RFX2: variants seen among roughly 807,000 people sequenced by gnomAD.
The protein encoded by RFX2 is regulatory factor X2.
Under a neutral mutation model 87.8 loss-of-function variants are expected in RFX2, and 20 were observed. That is an observed-to-expected ratio of 0.23 (90% CI 0.16 to 0.33). The LOEUF (loss-of-function observed/expected upper bound fraction) is 0.33, where lower values mean the gene tolerates loss of function less well. Ranked by LOEUF, RFX2 falls within the 10% of genes least tolerant of loss-of-function variation. The probability of loss-of-function intolerance (pLI) is 1.00; values close to 1 mark genes in which losing one functional copy is unlikely to be tolerated. For missense variants in RFX2, 767 were observed against 1,012.3 expected (o/e 0.76, Z 3.29); for synonymous variants, 397 against 431.3 (o/e 0.92, Z 0.98).
In RFX2 at chr19:6,027,091, C is replaced by T. The variant is rs904150700; in HGVS notation, c.523-854G>A. 6.6e-6 allele frequency: 1 copy of T among 152,292 alleles called. No individual in the cohort carries two copies. Among genetic ancestry groups the T allele is most frequent in the Admixed American group, 6.5e-5 (1 of 15,280 alleles). 9.4% of individuals were successfully genotyped at this position (152,292 alleles called of 1,614,324 possible). A position where few individuals can be genotyped will look rare whatever the true frequency, so the allele number is the denominator to read the frequency against. On this transcript the variant is annotated intron_variant, in intron 5 of 17. Transcript: ENST00000303657. The surrounding 1 kb of genome is among the most constrained non-coding windows in gnomAD (Gnocchi z 5.0). ...CGACGTAAAATCTGCTGCAGCCCAC[C>T]CTGACGACCAGAGGACTGAAGCGGG...
intron 1 of RFX2, among the ~76,000 whole-genome samples, chr19:6,060,879 C>T (rs1356203530): frequency 6.6e-6 from 1 of 152,080 alleles, no homozygotes; most frequent in Non-Finnish European, 1.5e-5. Flanking sequence ...CCTCCCGGCA[C>T]CAGGACTCCC....
intron 5 of RFX2, among the ~76,000 whole-genome samples, chr19:6,030,253 G>A (rs2086938018): frequency 6.6e-6 from 1 of 152,178 alleles, no homozygotes; most frequent in African/African-American, 2.4e-5. Flanking sequence ...AGAAGCAGTA[G>A]GAGAGAAGTG....
At chr19:6,105,943 AC>A (rs967546065) in intron 1 of RFX2, among the ~76,000 whole-genome samples, 1 of 152,066 alleles carries the variant, frequency 6.6e-6, no homozygotes, top group African/African-American at 2.4e-5. Context: ...ACCTGGATGT[AC>A]CCAGCAGGCA....
intron 6 of RFX2, among the ~76,000 whole-genome samples, chr19:6,019,042 A>G (rs1332290448): frequency 1.3e-5 from 2 of 151,698 alleles, no homozygotes; most frequent in African/African-American, 4.8e-5. Context: ...CCCTGTGTGA[A>G]GTGCAGTGTC....
chr19:5,995,412 G>A (rs1440277225), intron 17 of RFX2, among the ~76,000 whole-genome samples, 189 bp downstream of exon 17: 2 of 152,192 alleles, frequency 1.3e-5, no homozygotes, highest in East Asian at 1.9e-4. Flanking sequence ...AGCCCCAGCC[G>A]AGCCAGTCTG....
chr19:6,054,328 G>A (rs1381624709), intron 1 of RFX2, among the ~76,000 whole-genome samples: 1 of 151,996 alleles, frequency 6.6e-6, no homozygotes, highest in African/African-American at 2.4e-5. Context: ...ACTGAAAAAG[G>A]AATTATTACA....
rs2087236822 is a variant in RFX2, at chr19:6,049,128, G to A, written c.-8-1624C>T. ...CTCAACTCACTCTCTGTCTTTGACA[G>A]AACTGACCTTTGGAATTTTTCTGTT... On this transcript the variant is annotated intron_variant, in intron 1 of 17. Coordinates refer to ENST00000303657, the MANE Select transcript of RFX2 (RefSeq NM_000635.4). 2.6e-5 allele frequency: 4 copies of A among 152,216 alleles called. No individual in the cohort carries two copies. The South Asian group carries it at 6.2e-4, about 24-fold the overall frequency. 9.4% of individuals were successfully genotyped at this position (152,216 alleles called of 1,614,324 possible).
At position 6,040,133 on chromosome 19, in the gene RFX2, G is replaced by T; in HGVS notation, c.369C>A (p.Ser123=). 1 of 1,609,276 alleles carries T rather than the reference G, an allele frequency of 6.2e-7. No homozygotes were observed. The change falls in exon 5 of 18, where the codon TCC becomes TCA. Residue 123 remains serine, a synonymous_variant. Transcript: ENST00000303657. The surrounding 1 kb of genome is among the most constrained non-coding windows in gnomAD (Gnocchi z 6.1). ...GGAQVTVAAS[S]PPAVPSHSMV... is the part of the protein sequence containing the mutation. The stretch of plus-strand genomic sequence containing the variant: ...TGCTGTGGGAGGGGACCGCTGGCGG[G>T]GACGAGGCTGCCACGGTCACCTGGG...
chr19:6,046,606 T>C (rs1426793128), intron 2 of RFX2, among the ~76,000 whole-genome samples: 1 of 55,130 alleles, frequency 1.8e-5, no homozygotes, highest in African/African-American at 9.8e-5. Context: ...CCTTTTTGCC[T>C]TTTTTTTTTT....
At chr19:6,029,509 G>C (rs948724424) in intron 5 of RFX2, among the ~76,000 whole-genome samples, 5 of 151,968 alleles carry the variant, frequency 3.3e-5, no homozygotes, top group Non-Finnish European at 4.4e-5. Context: ...GGAGTTCAGG[G>C]ACCAGCCTGG....
chr19:6,108,223 A>G (rs1385523098), intron 1 of RFX2, among the ~76,000 whole-genome samples: 2 of 152,150 alleles, frequency 1.3e-5, no homozygotes, highest in African/African-American at 4.8e-5. Flanking sequence ...GTAATTCAAG[A>G]ACTTAAATTC....
chr19:6,102,849 G>A (rs188911486), intron 1 of RFX2, among the ~76,000 whole-genome samples: 1 of 152,324 alleles, frequency 6.6e-6, no homozygotes, highest in East Asian at 1.9e-4. Flanking sequence ...TTATGGCCAG[G>A]CACAGTGGCT....
intron 1 of RFX2, among the ~76,000 whole-genome samples, chr19:6,059,961 T>TC (rs1555778468): frequency 1.2e-4 from 19 of 152,082 alleles, no homozygotes; most frequent in Admixed American, 1.2e-3. Flanking sequence ...TAAAAAGTGA[T>TC]GGGGGGGAGC....
chr19:6,034,964 G>A (rs188542016), intron 5 of RFX2, among the ~76,000 whole-genome samples: 1 of 152,274 alleles, frequency 6.6e-6, no homozygotes, highest in Admixed American at 6.5e-5. Flanking sequence ...AGCTGTCAAA[G>A]GCAGAATATT....
chr19:6,007,816 G>A lies in RFX2; in HGVS notation c.1135-14C>T, dbSNP rs761024546. On this transcript the variant is annotated splice_polypyrimidine_tract_variant and intron_variant, in intron 10 of 17. Transcript: ENST00000303657. The surrounding 1 kb of genome is among the most constrained non-coding windows in gnomAD (Gnocchi z 8.2). ...ATCTACAGTTGCCTAGGAATGAAGG[G>A]ACCGGTGAGACAGACGGGTGCGTGC... is the stretch of plus-strand genomic sequence containing the variant. 6.7e-7 allele frequency: 1 copy of A among 1,499,302 alleles called. No homozygotes were observed. The highest frequency in any genetic ancestry group is 1.2e-5 in the South Asian group (1 of 83,062). The allele number at this position is 1,499,302 out of a possible 1,614,324, so 92.9% of individuals were successfully genotyped here. A position where few individuals can be genotyped will look rare whatever the true frequency, so the allele number is the denominator to read the frequency against.
Position 6,010,311 on chromosome 19 carries a change from A to G in RFX2, c.900-60T>C. On this transcript the variant is annotated intron_variant, in intron 8 of 17. Coordinates refer to ENST00000303657, the MANE Select transcript of RFX2 (RefSeq NM_000635.4). This position sits in a 1 kb window ranked among gnomAD's most constrained non-coding sequence, Gnocchi z 5.0. ...AGCAGCCCTGCTGCGGGTGGGCCCA[A>G]AGACTGGGGGGCTGGGCAGGATTCA... is the stretch of plus-strand genomic sequence containing the variant. 8.8e-7 allele frequency: 1 copy of G among 1,138,800 alleles called. No homozygotes were observed. 70.5% of individuals were successfully genotyped at this position (1,138,800 alleles called of 1,614,324 possible).
intron 1 of RFX2, among the ~76,000 whole-genome samples, chr19:6,053,007 T>C (rs1372375445): frequency 1.3e-5 from 2 of 151,868 alleles, no homozygotes; most frequent in Non-Finnish European, 2.9e-5. Context: ...TTTAAGAACG[T>C]TTTCAACCTT....
intron 4 of RFX2, among the ~76,000 whole-genome samples, chr19:6,041,548 G>C (rs2087106925): frequency 6.6e-6 from 1 of 151,762 alleles, no homozygotes; most frequent in South Asian, 2.1e-4. Flanking sequence ...AACACACAGG[G>C]GTGGATGGTT....
Position 6,017,325 on chromosome 19 carries a change from G to A in RFX2, c.598-1054C>T, listed in dbSNP as rs982027783. On this transcript the variant is annotated intron_variant, in intron 6 of 17. Coordinates refer to ENST00000303657, the MANE Select transcript of RFX2 (RefSeq NM_000635.4). This position sits in a 1 kb window ranked among gnomAD's most constrained non-coding sequence, Gnocchi z 4.1. ...GTGAACATCCAGTTAGAAGGGCTGC[G>A]AGAACTGTCCACACGAAGAGCTCAG... Among the ~76,000 whole-genome samples the A allele has an allele frequency of 6.6e-6, 1 of 152,196 alleles. No individual in the cohort carries two copies. Among genetic ancestry groups the A allele is most frequent in the Non-Finnish European group, 1.5e-5 (1 of 68,042 alleles).
Sources: gnomAD v4.1 joint callset for allele counts (sites outside exome capture counted in the v4.1 genomes callset) on GRCh38, gnomAD v4.1.1 for gene constraint, Gnocchi (gnomAD v3.1) non-coding constraint, MANE v1.5 for transcripts, NCBI Gene and HGNC (gene_info 2026-07-23, HGNC 2026-07-21) for gene names.